Variants in PAM observed in about 807,000 individuals in gnomAD.
PAM encodes the protein peptidylglycine alpha-amidating monooxygenase.
Under a neutral mutation model 122.1 loss-of-function variants are expected in PAM, and 72 were observed. That is an observed-to-expected ratio of 0.59 (90% CI 0.49 to 0.72). The LOEUF (loss-of-function observed/expected upper bound fraction) is 0.72. Ranked by LOEUF, PAM falls within the 30% of genes least tolerant of loss-of-function variation. PAM has a pLI of 0.00. For missense variants in PAM, 1,106 were observed against 1,183.7 expected, an observed-to-expected ratio of 0.93 and a Z score of 0.96; for synonymous variants, 389 against 404.4, an observed-to-expected ratio of 0.96 and a Z score of 0.46.
At chr5:102,864,658 G>A (rs1401051171) in intron 1 of PAM, 1 of 151,744 alleles carries the variant, frequency 6.6e-6, no homozygotes, top group Non-Finnish European at 1.5e-5. Context: ...AGAGGCTGAT[G>A]TATTACTGTG....
chr5:102,777,868 G>A lies in PAM; in HGVS notation c.-374+22520G>A, dbSNP rs1336231338. Among the ~76,000 whole-genome samples the A allele has an allele frequency of 2.0e-5, 3 of 152,288 alleles. No homozygotes were observed. In the East Asian group the frequency reaches 5.8e-4, roughly 29 times the overall value. On this transcript the variant is annotated intron_variant, in intron 1 of 25. Coordinates refer to ENST00000438793, the MANE Select transcript of PAM (RefSeq NM_001177306.2). ...TTTACGGATTATAAAAAGAGAGAAA[G>A]TTGGTTTGCTAGATTAGCGATTAAC...
At chr5:102,910,816 A>G (rs371749735) in intron 4 of PAM, among the ~76,000 whole-genome samples, 2 of 151,812 alleles carry the variant, frequency 1.3e-5, no homozygotes, top group South Asian at 2.1e-4. Flanking sequence ...TGAAAAAGAA[A>G]AGAGACATTT....
chr5:102,834,336 C>A (rs1776315664), intron 1 of PAM, among the ~76,000 whole-genome samples: 1 of 152,070 alleles, frequency 6.6e-6, no homozygotes. Flanking sequence ...AGTTGTATAT[C>A]AATTAATTTA....
At chr5:102,776,936 G>A (rs1330788286) in intron 1 of PAM, among the ~76,000 whole-genome samples, 2 of 151,936 alleles carry the variant, frequency 1.3e-5, no homozygotes, top group African/African-American at 2.4e-5. Flanking sequence ...TTGTAAATGG[G>A]TGCTTCTTCC....
intron 13 of PAM, among the ~76,000 whole-genome samples, chr5:102,960,509 A>G (rs1306163707): frequency 6.6e-6 from 1 of 152,012 alleles, no homozygotes; most frequent in East Asian, 1.9e-4. Flanking sequence ...GCAAAGAACA[A>G]TTATTGATTT....
At chr5:102,888,970 T>C (rs1793981949) in intron 3 of PAM, among the ~76,000 whole-genome samples, 2 of 151,990 alleles carry the variant, frequency 1.3e-5, no homozygotes, top group East Asian at 1.9e-4. Flanking sequence ...TTTAGGACTT[T>C]AAGAACATGT....
chr5:102,771,451 C>G (rs1755764426), intron 1 of PAM, among the ~76,000 whole-genome samples: 2 of 152,092 alleles, frequency 1.3e-5, no homozygotes, highest in Non-Finnish European at 2.9e-5. Flanking sequence ...AGAAAGTAGT[C>G]TTAGTTTTGA....
At chr5:102,981,432 T>C (rs1408951097) in intron 15 of PAM, among the ~76,000 whole-genome samples, 1 of 152,258 alleles carries the variant, frequency 6.6e-6, no homozygotes, top group Admixed American at 6.5e-5. Context: ...TTGAGTATTC[T>C]CATAGTATCT....
chr5:102,854,146 TTAGACCTAGC>T (rs1428511119), intron 1 of PAM, among the ~76,000 whole-genome samples: 1 of 152,184 alleles, frequency 6.6e-6, no homozygotes, highest in Non-Finnish European at 1.5e-5. Flanking sequence ...TAGATAGTAC[TTAGACCTAGC>T]TTATAGGATG....
intron 1 of PAM, among the ~76,000 whole-genome samples, chr5:102,779,918 T>TATATATATAC (rs147065045): frequency 1.3e-4 from 12 of 95,674 alleles, no homozygotes; most frequent in Middle Eastern, 5.3e-3. Context: ...TATATATATA[T>TATATATATAC]ACACACATAT....
intron 1 of PAM, among the ~76,000 whole-genome samples, chr5:102,800,978 G>A (rs1245139327): frequency 6.6e-6 from 1 of 151,976 alleles, no homozygotes; most frequent in African/African-American, 2.4e-5. Context: ...TTTTCCACAT[G>A]GCTTAGAAAA....
At chr5:102,859,901 G>C (rs1783669185) in intron 1 of PAM, among the ~76,000 whole-genome samples, 1 of 152,118 alleles carries the variant, frequency 6.6e-6, no homozygotes. Context: ...TGTAGCCTAG[G>C]AGCAGTAGAC....
rs1333350422 is a variant in PAM, at chr5:102,866,122, G to A, written c.-74G>A. 4 of 1,015,292 alleles carry A rather than the reference G, an allele frequency of 3.9e-6. No homozygotes were observed. Among genetic ancestry groups the A allele is most frequent in the Admixed American group, 2.1e-5 (1 of 48,412 alleles). 62.9% of individuals were successfully genotyped at this position (1,015,292 alleles called of 1,614,324 possible). A position where few individuals can be genotyped will look rare whatever the true frequency, so the allele number is the denominator to read the frequency against. ...TGAAGTAGCGGCTGCTGGCGGCGCCGCTGCCCAACCGCCAGCCCCAGCCCC... is the reference window on the plus strand; with the variant it reads ...TGAAGTAGCGGCTGCTGGCGGCGCCACTGCCCAACCGCCAGCCCCAGCCCC... On this transcript the variant is annotated 5_prime_UTR_variant, in exon 2 of 26. Transcript: ENST00000438793.
intron 1 of PAM, chr5:102,865,194 G>C (rs1473642191): frequency 6.6e-6 from 1 of 152,244 alleles, no homozygotes; most frequent in Non-Finnish European, 1.5e-5. Context: ...TGTGTATCAT[G>C]TTAGCTGTAG....
At chr5:102,788,549 GA>G (rs1398376647) in intron 1 of PAM, among the ~76,000 whole-genome samples, 1 of 152,122 alleles carries the variant, frequency 6.6e-6, no homozygotes, top group Non-Finnish European at 1.5e-5. Context: ...CAATAGAGAT[GA>G]AATGCCTTAC....
At chr5:102,779,918 T>TATGCACACAC (rs147065045) in intron 1 of PAM, among the ~76,000 whole-genome samples, 2 of 95,704 alleles carry the variant, frequency 2.1e-5, no homozygotes, top group Non-Finnish European at 3.9e-5. Flanking sequence ...TATATATATA[T>TATGCACACAC]ACACACATAT....
chr5:102,964,933 G>A (rs772469645), intron 14 of PAM, among the ~76,000 whole-genome samples: 6 of 151,650 alleles, frequency 4.0e-5, no homozygotes, highest in Non-Finnish European at 5.9e-5. Context: ...GTTTATCTGC[G>A]AATGAGTTGA....
chr5:102,804,712 G>A (rs1306349214), intron 1 of PAM, among the ~76,000 whole-genome samples: 1 of 152,186 alleles, frequency 6.6e-6, no homozygotes, highest in Non-Finnish European at 1.5e-5. Flanking sequence ...CCTAGATTAT[G>A]AGGCTAAGCT....
At chr5:102,943,317 C>T (rs1755910748) in intron 7 of PAM, among the ~76,000 whole-genome samples, 1 of 152,122 alleles carries the variant, frequency 6.6e-6, no homozygotes, top group African/African-American at 2.4e-5. Context: ...TAATTTACTA[C>T]TTAGCTAAGA....
Sources: gnomAD v4.1 joint callset for allele counts (sites outside exome capture counted in the v4.1 genomes callset) on GRCh38, gnomAD v4.1.1 for gene constraint, MANE v1.5 for transcripts, NCBI Gene and HGNC (gene_info 2026-07-23, HGNC 2026-07-21) for gene names.